PCDH9: variants seen among roughly 807,000 people sequenced by gnomAD.
The protein encoded by PCDH9 is protocadherin-9.
PCDH9 carries 24 observed loss-of-function variants against 70.6 expected under a neutral mutation model. The observed-to-expected ratio is 0.34, with a 90% CI of 0.25 to 0.48. The LOEUF (loss-of-function observed/expected upper bound fraction) is 0.48, where lower values mean the gene tolerates loss of function less well. Ranked by LOEUF, PCDH9 falls within the 20% of genes least tolerant of loss-of-function variation. The probability of loss-of-function intolerance (pLI) is 0.99; values close to 1 mark genes in which losing one functional copy is unlikely to be tolerated. For synonymous variants in PCDH9, 562 were observed against 558.5 expected, an observed-to-expected ratio of 1.01 and a Z score of -0.09; for missense variants, 1,281 against 1,503.6, an observed-to-expected ratio of 0.85 and a Z score of 2.45.
chr13:66,904,464 T>C (rs1377286497), intron 2 of PCDH9, among the ~76,000 whole-genome samples: 1 of 152,014 alleles, frequency 6.6e-6, no homozygotes, highest in East Asian at 1.9e-4. Flanking sequence ...TAAACATAAC[T>C]TTGTAGGTTT....
intron 2 of PCDH9, among the ~76,000 whole-genome samples, chr13:66,984,145 T>C (rs543220581): frequency 6.6e-6 from 1 of 152,154 alleles, no homozygotes; most frequent in East Asian, 1.9e-4. Context: ...AATGAAATTG[T>C]AACTTTATCA....
At chr13:66,905,972 TTC>T (rs2082353780) in intron 2 of PCDH9, among the ~76,000 whole-genome samples, 1 of 152,204 alleles carries the variant, frequency 6.6e-6, no homozygotes, top group Admixed American at 6.5e-5. Context: ...ACTCATTTTA[TTC>T]TGTTTGTTTG....
intron 2 of PCDH9, among the ~76,000 whole-genome samples, chr13:67,143,345 C>T (rs938708227): frequency 7.9e-5 from 12 of 152,036 alleles, no homozygotes; most frequent in Non-Finnish European, 1.2e-4. Context: ...ATTCATAAAC[C>T]TTGTAGTTAA....
rs528553621 is a variant in PCDH9, at chr13:66,842,840, A to T, written c.3138+60664T>A. ...GTGAAGGGAGTGATTTTCTTTTCAG[A>T]TCTGGTAGTGTGAGATGTCTCTCTA... is the stretch of plus-strand genomic sequence containing the variant. On this transcript the variant is annotated intron_variant, in intron 3 of 4. Coordinates refer to ENST00000377865, the MANE Select transcript of PCDH9 (RefSeq NM_203487.3). Among the ~76,000 whole-genome samples, 15 of 152,308 alleles carry T rather than the reference A, an allele frequency of 9.8e-5. No homozygotes were observed. The South Asian group carries it at 2.9e-3, about 29-fold the overall frequency.
chr13:66,325,557 C>G (rs973111850), intron 4 of PCDH9, among the ~76,000 whole-genome samples: 1 of 152,032 alleles, frequency 6.6e-6, no homozygotes, highest in Non-Finnish European at 1.5e-5. Context: ...ATTAAGTAAG[C>G]CAGCCTTCAG....
At chr13:66,430,824 C>A (rs1957759001) in intron 4 of PCDH9, among the ~76,000 whole-genome samples, 1 of 152,030 alleles carries the variant, frequency 6.6e-6, no homozygotes, top group African/African-American at 2.4e-5. Context: ...GCAGTAGAGG[C>A]ACAAAGGGTC....
chr13:66,677,905 C>T (rs2078266716), intron 3 of PCDH9, among the ~76,000 whole-genome samples: 1 of 152,080 alleles, frequency 6.6e-6, no homozygotes, highest in Non-Finnish European at 1.5e-5. Context: ...AGTATGTACT[C>T]GTTAATATTC....
chr13:66,390,553 T>G (rs1171763534), intron 4 of PCDH9, among the ~76,000 whole-genome samples: 1 of 152,030 alleles, frequency 6.6e-6, no homozygotes, highest in Non-Finnish European at 1.5e-5. Flanking sequence ...CTGGCCAACA[T>G]GGTGAAACCC....
At chr13:66,770,185 A>G (rs999240330) in intron 3 of PCDH9, among the ~76,000 whole-genome samples, 1 of 152,142 alleles carries the variant, frequency 6.6e-6, no homozygotes, top group Non-Finnish European at 1.5e-5. Context: ...TACTTATATA[A>G]TTTAAGTAGG....
chr13:66,978,028 T>C (rs1163677725), intron 2 of PCDH9, among the ~76,000 whole-genome samples: 1 of 152,188 alleles, frequency 6.6e-6, no homozygotes, highest in East Asian at 1.9e-4. Context: ...TAAAGCCCTT[T>C]CGTAAGTGAA....
At chr13:67,171,557 G>A (rs959369849) in intron 2 of PCDH9, among the ~76,000 whole-genome samples, 2 of 152,140 alleles carry the variant, frequency 1.3e-5, no homozygotes, top group Admixed American at 1.3e-4. Context: ...ACTAGACTCA[G>A]GCAAAATTGT....
At chr13:67,029,924 A>C (rs2084870239) in intron 2 of PCDH9, among the ~76,000 whole-genome samples, 1 of 152,210 alleles carries the variant, frequency 6.6e-6, no homozygotes, top group Admixed American at 6.5e-5. Context: ...AATAAAAATT[A>C]GCAGAAGCCT....
chr13:66,537,105 C>G (rs545341413), intron 4 of PCDH9, among the ~76,000 whole-genome samples: 1 of 152,068 alleles, frequency 6.6e-6, no homozygotes. Flanking sequence ...GAATGCATAG[C>G]TATCAAGCAT....
rs1955425220 is a variant in PCDH9, at chr13:66,304,380, TC to T, written c.*274del. 1 of 321,328 alleles carries T rather than the reference TC, an allele frequency of 3.1e-6. No homozygotes were observed. The highest frequency in any genetic ancestry group is 5.1e-5 in the East Asian group (1 of 19,472). 19.9% of individuals were successfully genotyped at this position (321,328 alleles called of 1,614,324 possible). On this transcript the variant is annotated 3_prime_UTR_variant, in exon 5 of 5. Coordinates refer to ENST00000377865, the MANE Select transcript of PCDH9 (RefSeq NM_203487.3). ...CATATTCTATTGTTCATAGCAGCAG[TC>T]CAGGGTCAAAATAAAATGCAATAAT...
At chr13:67,025,147 T>C (rs190691404) in intron 2 of PCDH9, among the ~76,000 whole-genome samples, 1 of 152,258 alleles carries the variant, frequency 6.6e-6, no homozygotes, top group Admixed American at 6.5e-5. Flanking sequence ...GTACAAACAC[T>C]AGGGAAGAAG....
intron 3 of PCDH9, among the ~76,000 whole-genome samples, chr13:66,876,580 T>C (rs76762900): frequency 0.034 from 5,135 of 152,238 alleles, 284 homozygotes; most frequent in African/African-American, 0.11. Context: ...TTTGTTTTTG[T>C]TTTGTAGACA....
chr13:66,380,516 A>G (rs534100186), intron 4 of PCDH9, among the ~76,000 whole-genome samples: 38 of 151,476 alleles, frequency 2.5e-4, no homozygotes, highest in African/African-American at 8.7e-4. Context: ...AAGAAAAAAA[A>G]ATAGAGAATA....
At chr13:67,003,818 G>A (rs756546067) in intron 2 of PCDH9, among the ~76,000 whole-genome samples, 6 of 152,024 alleles carry the variant, frequency 3.9e-5, no homozygotes, top group African/African-American at 9.7e-5. Context: ...ATTGCTCCTC[G>A]TTATTAGAGA....
At chr13:66,412,635 A>T (rs1957390288) in intron 4 of PCDH9, among the ~76,000 whole-genome samples, 1 of 152,204 alleles carries the variant, frequency 6.6e-6, no homozygotes. Context: ...TGAATATAAG[A>T]TACAGTCAGA....
Sources: gnomAD v4.1 joint callset for allele counts (sites outside exome capture counted in the v4.1 genomes callset) on GRCh38, gnomAD v4.1.1 for gene constraint, MANE v1.5 for transcripts, NCBI Gene and HGNC (gene_info 2026-07-23, HGNC 2026-07-21) for gene names.